Variants in CA6 observed in about 807,000 individuals in gnomAD.
The protein encoded by CA6 is carbonate dehydratase VI.
In CA6, 28 loss-of-function variants were observed where a neutral mutation model predicts 35.9. The ratio of observed to expected loss-of-function variants is 0.78; its 90% CI spans 0.58 to 1.07. The LOEUF is 1.07. Ranked by LOEUF, CA6 falls within the 50% of genes least tolerant of loss-of-function variation. The pLI, the probability that CA6 is intolerant of heterozygous loss-of-function variation, is 0.00. For synonymous variants in CA6, 148 were observed against 152.6 expected (o/e 0.97, Z 0.22); for missense variants, 377 against 382.0 (o/e 0.99, Z 0.11).
rs1639870282 is a variant in CA6, at chr1:8,962,656, G to T, written c.571G>T (p.Gly191Ter). The change falls in exon 5 of 8, where the codon GGA becomes TGA. Residue 191 changes from glycine (G) to a stop codon, truncating the protein, a stop_gained and splice_region_variant. Transcript: ENST00000377443. LOFTEE classifies it high-confidence loss of function. Reference protein sequence around the residue: ...ISHLANIKYPGQRTTLTGLDV... With the variant: ...ISHLANIKYP ...TCATCTGGCCAACATCAAGTACCCA[G>T]GTAAGGGAAGCCAACTGTGGCTGCA... 1 of 1,613,286 alleles carries T rather than the reference G, an allele frequency of 6.2e-7. No individual in the cohort carries two copies. The highest frequency in any genetic ancestry group is 2.2e-5 in the East Asian group (1 of 44,874).
chr1:8,946,669 C>G (rs904112486), intron 1 of CA6, among the ~76,000 whole-genome samples: 1 of 151,990 alleles, frequency 6.6e-6, no homozygotes, highest in Non-Finnish European at 1.5e-5. Flanking sequence ...GGTAACCTCA[C>G]GGAAGGTGCT....
At chr1:8,959,632 A>G (rs1009397385) in intron 4 of CA6, among the ~76,000 whole-genome samples, 5 of 151,848 alleles carry the variant, frequency 3.3e-5, no homozygotes, top group Non-Finnish European at 7.4e-5. Flanking sequence ...TGCATTTCTA[A>G]GAAAGTCTAG....
intron 2 of CA6, among the ~76,000 whole-genome samples, chr1:8,953,945 G>A (rs897832857): frequency 7.9e-5 from 12 of 152,162 alleles, no homozygotes; most frequent in Non-Finnish European, 1.2e-4. Flanking sequence ...AGATGGCCAC[G>A]AGAGTGACCT....
chr1:8,950,827 C>T (rs1475720448), intron 2 of CA6, among the ~76,000 whole-genome samples: 3 of 151,564 alleles, frequency 2.0e-5, no homozygotes, highest in African/African-American at 4.9e-5. Flanking sequence ...GAGATTACCA[C>T]TGTACTCCAC....
chr1:8,963,357 T>C lies in CA6; in HGVS notation c.571+701T>C, dbSNP rs1639893635. On this transcript the variant is annotated intron_variant, in intron 5 of 7. Coordinates refer to ENST00000377443, the MANE Select transcript of CA6 (RefSeq NM_001215.4). This position sits in a 1 kb window ranked among gnomAD's most constrained non-coding sequence, Gnocchi z 4.1. ...CAGCTTAGATTCCACCCCGATACTC[T>C]CAAGTCTCCCTCAACACTCCCATGC... Among the ~76,000 whole-genome samples the C allele has an allele frequency of 1.3e-5, 2 of 152,004 alleles. No individual in the cohort carries two copies. The highest frequency in any genetic ancestry group is 2.9e-5 in the Non-Finnish European group (2 of 68,004).
chr1:8,953,819 G>A (rs1639604187), intron 2 of CA6, among the ~76,000 whole-genome samples: 1 of 152,152 alleles, frequency 6.6e-6, no homozygotes, highest in African/African-American at 2.4e-5. Flanking sequence ...ACTCCCAGGA[G>A]GTTAAGGCAT....
rs1223375945 is a variant in CA6, at chr1:8,963,374, C to T, written c.571+718C>T. ...CGATACTCTCAAGTCTCCCTCAACA[C>T]TCCCATGCAAACACCCTCTAGCCCT... On this transcript the variant is annotated intron_variant, in intron 5 of 7. Transcript: ENST00000377443. This position sits in a 1 kb window ranked among gnomAD's most constrained non-coding sequence, Gnocchi z 4.1. 6.6e-6 allele frequency among the ~76,000 whole-genome samples: 1 copy of T among 152,158 alleles called. No homozygotes were observed. The highest frequency in any genetic ancestry group is 2.4e-5 in the African/African-American group (1 of 41,448).
rs1164364616 is a variant in CA6 at position 8,963,075 on chromosome 1, C to A, written c.571+419C>A. ...CATCCAGACACTCGGGGTGTTCTTC[C>A]GTCCCCTCTCCTCCAGAGGGCGGCG... On this transcript the variant is annotated intron_variant, in intron 5 of 7. Coordinates refer to ENST00000377443, the MANE Select transcript of CA6 (RefSeq NM_001215.4). This position sits in a 1 kb window ranked among gnomAD's most constrained non-coding sequence, Gnocchi z 4.1. Among the ~76,000 whole-genome samples the A allele has an allele frequency of 1.3e-5, 2 of 152,116 alleles. No homozygotes were observed. Among genetic ancestry groups the A allele is most frequent in the Non-Finnish European group, 2.9e-5 (2 of 68,022 alleles).
intron 7 of CA6, among the ~76,000 whole-genome samples, chr1:8,973,406 C>T (rs950994052): frequency 6.6e-6 from 1 of 152,178 alleles, no homozygotes; most frequent in African/African-American, 2.4e-5. Flanking sequence ...TAACAGACTG[C>T]GTATCGTTCT....
intron 6 of CA6, among the ~76,000 whole-genome samples, chr1:8,968,585 A>T (rs1305502609): frequency 6.6e-6 from 1 of 152,226 alleles, no homozygotes; most frequent in Non-Finnish European, 1.5e-5. Flanking sequence ...AATTAATATG[A>T]CATAAGAATG....
chr1:8,947,347 T>A (rs966806936), intron 1 of CA6, among the ~76,000 whole-genome samples: 3 of 152,052 alleles, frequency 2.0e-5, no homozygotes, highest in African/African-American at 7.3e-5. Context: ...AAACATCTGC[T>A]TCCTGCAGAG....
rs1055501082 is a variant in CA6, at chr1:8,970,794, C to T, written c.730-73C>T. On this transcript the variant is annotated intron_variant, in intron 6 of 7. Coordinates refer to ENST00000377443, the MANE Select transcript of CA6 (RefSeq NM_001215.4). ...GGGATTACAGGCGTGAGCCACTGCG[C>T]CGGGCCAACTGTTATTTCTTTTAAA... The T allele has an allele frequency of 1.7e-5, 17 of 980,812 alleles. No homozygotes were observed. The Admixed American group carries it at 2.9e-4, about 17-fold the overall frequency. The allele number at this position is 980,812 out of a possible 1,614,324, so 60.8% of individuals were successfully genotyped here.
chr1:8,967,645 G>C lies in CA6; in HGVS notation c.572-14G>C, dbSNP rs1640003570. ...GGTCCCTGACATTCTGTTACCTTCTGTCTTCTTGGTCAGGACAAAGAACAA... is the reference window on the plus strand; with the variant it reads ...GGTCCCTGACATTCTGTTACCTTCTCTCTTCTTGGTCAGGACAAAGAACAA... On this transcript the variant is annotated splice_polypyrimidine_tract_variant and intron_variant, in intron 5 of 7. Transcript: ENST00000377443. 3.7e-6 allele frequency: 6 copies of C among 1,612,634 alleles called. No individual in the cohort carries two copies. In the Admixed American group the frequency reaches 8.4e-5, roughly 22 times the overall value.
intron 7 of CA6, among the ~76,000 whole-genome samples, chr1:8,974,090 G>T (rs1173059980): frequency 1.3e-5 from 2 of 152,126 alleles, no homozygotes; most frequent in African/African-American, 4.8e-5. Context: ...CTCCCAAAGT[G>T]CTGGGATTAC....
chr1:8,970,205 C>CAAAAA (rs57388930), intron 6 of CA6, among the ~76,000 whole-genome samples: 1 of 88,034 alleles, frequency 1.1e-5, no homozygotes, highest in East Asian at 3.3e-4. Flanking sequence ...ACTCTGGTCT[C>CAAAAA]AAAAAAAAAA....
intron 1 of CA6, 120 bp from the exon 2 acceptor site, chr1:8,949,142 TG>T: frequency 1.5e-6 from 1 of 652,518 alleles, no homozygotes; most frequent in Non-Finnish European, 2.5e-6. Flanking sequence ...TTCTGCTTTC[TG>T]GAAGGTGCCT....
At chr1:8,973,918 C>T (rs769163990) in intron 7 of CA6, among the ~76,000 whole-genome samples, 2 of 151,836 alleles carry the variant, frequency 1.3e-5, no homozygotes, top group Non-Finnish European at 2.9e-5. Flanking sequence ...CCATGACCTC[C>T]AGGGCTCAAG....
At chr1:8,970,036 T>C (rs1416035228) in intron 6 of CA6, among the ~76,000 whole-genome samples, 2 of 151,820 alleles carry the variant, frequency 1.3e-5, no homozygotes, top group African/African-American at 4.8e-5. Flanking sequence ...AAACCCCATC[T>C]CTACTAAAAA....
At chr1:8,954,450 G>A (rs1334301488) in intron 2 of CA6, among the ~76,000 whole-genome samples, 1 of 151,338 alleles carries the variant, frequency 6.6e-6, no homozygotes, top group African/African-American at 2.4e-5. Flanking sequence ...CAGGTGTGAG[G>A]CACTGCGCCT....
Sources: gnomAD v4.1 joint callset for allele counts (sites outside exome capture counted in the v4.1 genomes callset) on GRCh38, gnomAD v4.1.1 for gene constraint, Gnocchi (gnomAD v3.1) non-coding constraint, MANE v1.5 for transcripts, NCBI Gene and HGNC (gene_info 2026-07-23, HGNC 2026-07-21) for gene names.